Variants in ITPR2 observed in about 807,000 individuals in gnomAD.
The protein encoded by ITPR2 is inositol 1,4,5-trisphosphate-gated calcium channel ITPR2.
In ITPR2, 207 loss-of-function variants were observed where a neutral mutation model predicts 317.1. The observed-to-expected ratio is 0.65, with a 90% confidence interval of 0.58 to 0.73. The LOEUF (loss-of-function observed/expected upper bound fraction) is 0.73. Ranked by LOEUF, ITPR2 falls within the 30% of genes least tolerant of loss-of-function variation. The pLI is 0.00. For missense variants in ITPR2, 2,613 were observed against 3,284.0 expected, an observed-to-expected ratio of 0.80 and a Z score of 4.99; for synonymous variants, 1,156 against 1,149.1, an observed-to-expected ratio of 1.01 and a Z score of -0.12.
intron 11 of ITPR2, among the ~76,000 whole-genome samples, chr12:26,682,986 C>G (rs1948064448): frequency 2.0e-5 from 3 of 152,110 alleles, no homozygotes; most frequent in Non-Finnish European, 4.4e-5. Flanking sequence ...GGGTGTGGCC[C>G]AACAATGAGT....
At chr12:26,705,786 G>A (rs118174026) in intron 9 of ITPR2, among the ~76,000 whole-genome samples, 377 of 152,208 alleles carry the variant, frequency 2.5e-3, no homozygotes, top group Non-Finnish European at 4.9e-3. Flanking sequence ...TGTCTCCCAA[G>A]AATGCCTTCA....
At chr12:26,561,457 G>C (rs896827147) in intron 35 of ITPR2, among the ~76,000 whole-genome samples, 4 of 152,098 alleles carry the variant, frequency 2.6e-5, no homozygotes, top group African/African-American at 9.7e-5. Context: ...GTTGAAGCAA[G>C]ATTATGAATA....
intron 13 of ITPR2, among the ~76,000 whole-genome samples, chr12:26,673,464 T>G (rs1190341967): frequency 6.6e-6 from 1 of 152,146 alleles, no homozygotes; most frequent in Non-Finnish European, 1.5e-5. Context: ...TCTCAATAGA[T>G]GCAGAAAAGG....
chr12:26,774,979 G>A (rs1039515903), intron 2 of ITPR2, among the ~76,000 whole-genome samples: 5 of 152,148 alleles, frequency 3.3e-5, no homozygotes, highest in African/African-American at 9.7e-5. Flanking sequence ...GCCCTGGCAG[G>A]ACTGAGCTTC....
intron 55 of ITPR2, among the ~76,000 whole-genome samples, chr12:26,370,095 TA>T (rs376580355): frequency 6.6e-6 from 1 of 152,294 alleles, no homozygotes; most frequent in African/African-American, 2.4e-5. Context: ...TCCTTTATAA[TA>T]AAACTGTAAT....
intron 13 of ITPR2, among the ~76,000 whole-genome samples, chr12:26,667,494 C>A (rs116887637): frequency 6.6e-6 from 1 of 152,156 alleles, no homozygotes; most frequent in Non-Finnish European, 1.5e-5. Flanking sequence ...GACATAGTTA[C>A]GTGTAATCTC....
At chr12:26,563,650 T>C (rs1190338645) in intron 34 of ITPR2, among the ~76,000 whole-genome samples, 1 of 152,178 alleles carries the variant, frequency 6.6e-6, no homozygotes, top group Non-Finnish European at 1.5e-5. Flanking sequence ...AAAGCCCTCC[T>C]TACTTAACAT....
At chr12:26,500,584 A>G (rs763830045) in intron 37 of ITPR2, among the ~76,000 whole-genome samples, 18 of 152,348 alleles carry the variant, frequency 1.2e-4, no homozygotes, top group Middle Eastern at 3.4e-3. Flanking sequence ...AATGTAATGT[A>G]GCCAAGAAAA....
At chr12:26,712,695 A>C (rs1159940520) in intron 8 of ITPR2, among the ~76,000 whole-genome samples, 1 of 151,974 alleles carries the variant, frequency 6.6e-6, no homozygotes, top group Non-Finnish European at 1.5e-5. Context: ...TTTGTATATA[A>C]ATGCTAAGGT....
At chr12:26,458,725 G>T (rs1941946412) in intron 45 of ITPR2, among the ~76,000 whole-genome samples, 1 of 152,188 alleles carries the variant, frequency 6.6e-6, no homozygotes, top group Non-Finnish European at 1.5e-5. Flanking sequence ...ACATGAGTTT[G>T]TTTATTCCTT....
At chr12:26,532,585 C>T (rs189387708) in intron 37 of ITPR2, among the ~76,000 whole-genome samples, 2 of 152,320 alleles carry the variant, frequency 1.3e-5, no homozygotes, top group Admixed American at 6.5e-5. Context: ...GTTGGGATCA[C>T]AGGCATGAGC....
intron 37 of ITPR2, among the ~76,000 whole-genome samples, chr12:26,544,047 G>C (rs1345373372): frequency 6.6e-6 from 1 of 151,824 alleles, no homozygotes; most frequent in African/African-American, 2.4e-5. Flanking sequence ...TTAAAACTCA[G>C]GTAATTTTCC....
intron 35 of ITPR2, among the ~76,000 whole-genome samples, chr12:26,558,245 T>C (rs1391793300): frequency 1.3e-5 from 2 of 152,244 alleles, no homozygotes; most frequent in Non-Finnish European, 2.9e-5. Flanking sequence ...TTGTTTCATC[T>C]ATTAAACAAA....
At chr12:26,702,825 A>G (rs1948474225) in intron 9 of ITPR2, among the ~76,000 whole-genome samples, 1 of 152,112 alleles carries the variant, frequency 6.6e-6, no homozygotes, top group Non-Finnish European at 1.5e-5. Flanking sequence ...TAGCTTTACT[A>G]TCTTGCAGGA....
intron 45 of ITPR2, among the ~76,000 whole-genome samples, chr12:26,458,446 C>A (rs1445492081): frequency 7.9e-5 from 12 of 152,150 alleles, no homozygotes; most frequent in Admixed American, 5.9e-4. Context: ...AATACCAGGG[C>A]CTTCCAGGGG....
intron 2 of ITPR2, among the ~76,000 whole-genome samples, chr12:26,775,959 T>TATATATATA (rs1263788006): frequency 1.2e-4 from 18 of 145,118 alleles, no homozygotes; most frequent in East Asian, 4.1e-4. Context: ...TATATGTATA[T>TATATATATA]CCTATTAGTT....
intron 49 of ITPR2, among the ~76,000 whole-genome samples, chr12:26,427,012 T>A (rs1488015934): frequency 6.6e-6 from 1 of 151,996 alleles, no homozygotes; most frequent in African/African-American, 2.4e-5. Flanking sequence ...CTTATTAATT[T>A]ATTTATTTAG....
intron 16 of ITPR2, 33 bp downstream of exon 16, chr12:26,659,080 C>A (rs970542453): frequency 1.1e-5 from 17 of 1,556,182 alleles, no homozygotes; most frequent in Non-Finnish European, 1.4e-5. Context: ...GCAATCTCCA[C>A]TAGAAAAGAA....
rs1951114331 is a variant in ITPR2 at position 26,831,862 on chromosome 12, A to G, written c.92+828T>C. 6.9e-6 allele frequency among the ~76,000 whole-genome samples: 1 copy of G among 145,738 alleles called. No individual in the cohort carries two copies. The highest frequency in any genetic ancestry group is 1.9e-4 in the East Asian group (1 of 5,138). ...TATAAATATATATTATACATAAAAT[A>G]TATAAATATATTAATATATATTTCC... On this transcript the variant is annotated intron_variant, in intron 1 of 56. Coordinates refer to ENST00000381340, the MANE Select transcript of ITPR2 (RefSeq NM_002223.4). The surrounding 1 kb of genome is among the most constrained non-coding windows in gnomAD (Gnocchi z 4.9).
Sources: allele counts gnomAD v4.1 joint callset (sites outside exome capture counted in the v4.1 genomes callset), GRCh38; gene constraint gnomAD v4.1.1; non-coding constraint Gnocchi (gnomAD v3.1); transcripts MANE v1.5; gene names NCBI Gene and HGNC (gene_info 2026-07-23, HGNC 2026-07-21).